Variants in CEP63 observed in about 807,000 individuals in gnomAD.
The protein encoded by CEP63 is centrosomal protein 63.
A neutral mutation model predicts 89.1 loss-of-function variants in CEP63; 84 were observed. That is an observed-to-expected ratio of 0.94 (90% confidence interval 0.79 to 1.13). The LOEUF is 1.13. CEP63 is among the 50% of genes most tolerant of loss of function. The probability of loss-of-function intolerance (pLI) is 0.00; values close to 1 mark genes in which losing one functional copy is unlikely to be tolerated. For synonymous variants in CEP63, 267 were observed against 272.5 expected, an observed-to-expected ratio of 0.98 and a Z score of 0.20; for missense variants, 838 against 813.3, an observed-to-expected ratio of 1.03 and a Z score of -0.37.
Position 134,558,898 on chromosome 3 carries a change from T to C in CEP63, c.1674-252T>C, listed in dbSNP as rs57033722. On this transcript the variant is annotated intron_variant, in intron 13 of 14. Transcript: ENST00000675561. ...TCTCCTGTCCCAGCACTAACCACAC[T>C]AGATTACTCTGGCAGCTTGTTTGTC... 0.29 allele frequency among the ~76,000 whole-genome samples: 44,612 copies of C among 152,070 alleles called. 8,202 individuals are homozygous for C. Among genetic ancestry groups the C allele is most frequent in the East Asian group, 0.61 (3,125 of 5,152 alleles).
At chr3:134,548,952 T>G in intron 9 of CEP63, 110 bp from the exon 10 acceptor site, 1 of 716,218 alleles carries the variant, frequency 1.4e-6, no homozygotes, top group Middle Eastern at 3.6e-4. Flanking sequence ...AGGTGATGTT[T>G]AAGATATTGG....
the CEP63 span, among the ~76,000 whole-genome samples, chr3:134,705,773 T>A: frequency 1.2e-3 from 180 of 152,302 alleles, 1 homozygote; most frequent in African/African-American, 2.6e-3. Context: ...TTTGGTTCGC[T>A]CTCATTGTCC....
chr3:134,749,767 A>C, the CEP63 span, among the ~76,000 whole-genome samples: 1 of 139,208 alleles, frequency 7.2e-6, no homozygotes, highest in African/African-American at 2.5e-5. Context: ...AAGTGGGATG[A>C]TAAAATGAAA....
chr3:134,541,811 C>T (rs1022865600), intron 6 of CEP63, among the ~76,000 whole-genome samples: 1 of 151,998 alleles, frequency 6.6e-6, no homozygotes, highest in African/African-American at 2.4e-5. Context: ...CTGCGCCTGG[C>T]CACCAGCATT....
the CEP63 span, among the ~76,000 whole-genome samples, chr3:134,756,822 A>G: frequency 3.1e-3 from 478 of 152,342 alleles, no homozygotes; most frequent in Non-Finnish European, 5.1e-3. Flanking sequence ...AGGAGACTCC[A>G]GGGATGGGGG....
chr3:134,541,100 A>G (rs1951903170), intron 6 of CEP63, among the ~76,000 whole-genome samples: 2 of 152,106 alleles, frequency 1.3e-5, no homozygotes, highest in Admixed American at 6.5e-5. Flanking sequence ...ATATTTTACT[A>G]TTCTGAAAGA....
chr3:134,695,770 C>T, the CEP63 span, among the ~76,000 whole-genome samples: 1 of 152,212 alleles, frequency 6.6e-6, no homozygotes, highest in Non-Finnish European at 1.5e-5. Context: ...GGAGGTAGGG[C>T]CAAGCAACCG....
chr3:134,581,604 C>T (rs1339650636), intron 10 of CEP63, among the ~76,000 whole-genome samples: 2 of 151,358 alleles, frequency 1.3e-5, no homozygotes, highest in African/African-American at 4.9e-5. Flanking sequence ...AACAAACAAG[C>T]AAACAAAAAT....
At chr3:134,557,376 G>GCTTTTTTTTT (rs1956390930) in intron 12 of CEP63, among the ~76,000 whole-genome samples, 1 of 101,500 alleles carries the variant, frequency 9.9e-6, no homozygotes, top group Non-Finnish European at 1.8e-5. Context: ...TTCATAATTT[G>GCTTTTTTTTT]TTTTTTTTTT....
chr3:134,498,233 C>G (rs562879379), intron 2 of CEP63, among the ~76,000 whole-genome samples: 40 of 151,946 alleles, frequency 2.6e-4, no homozygotes, highest in Non-Finnish European at 4.0e-4. Context: ...CAATTTCCTT[C>G]ATTAGTGTTT....
intron 14 of CEP63, 79 bp from the exon 15 acceptor site, chr3:134,561,298 A>G (rs886485095): frequency 2.9e-6 from 4 of 1,382,548 alleles, no homozygotes; most frequent in Admixed American, 3.4e-5. Context: ...ATTGCTAGTT[A>G]GAAAATGTCA....
At chr3:134,565,886 A>C (rs1024040112), downstream of CEP63, among the ~76,000 whole-genome samples, 2 of 152,106 alleles carry the variant, frequency 1.3e-5, no homozygotes, top group African/African-American at 4.8e-5. Flanking sequence ...CAACATTTTC[A>C]TAACTGGTAA....
chr3:134,723,210 A>T, the CEP63 span, among the ~76,000 whole-genome samples: 2 of 152,100 alleles, frequency 1.3e-5, no homozygotes, highest in South Asian at 4.1e-4. Flanking sequence ...TAGTCTCCTT[A>T]TGAGTGGAGT....
At chr3:134,781,965 C>T in the CEP63 span, among the ~76,000 whole-genome samples, 1 of 152,284 alleles carries the variant, frequency 6.6e-6, no homozygotes, top group South Asian at 2.1e-4. Flanking sequence ...CTTTCTTCTT[C>T]CCCACTTTAA....
chr3:134,486,098 G>C lies in CEP63; in HGVS notation c.-130G>C. ...GCAGGGGAAGTCTGGAGAAGGCATT[G>C]TTTCAATTATTAAAAGTGTGGGGGC... is the stretch of plus-strand genomic sequence containing the variant. On this transcript the variant is annotated 5_prime_UTR_variant, in exon 1 of 15. Coordinates refer to ENST00000675561, the MANE Select transcript of CEP63 (RefSeq NM_001353108.3). The C allele has an allele frequency of 1.0e-6, 1 of 985,456 alleles. No individual in the cohort carries two copies. The highest frequency in any genetic ancestry group is 4.7e-5 in the South Asian group (1 of 21,288). 61.0% of individuals were successfully genotyped at this position (985,456 alleles called of 1,614,324 possible).
Position 134,552,017 on chromosome 3 carries a change from A to C in CEP63, c.1467+5A>C. ...TTGGAATTGGGTTTACATGAGGTACATAAATAGAAACTTAAGTTTTTCTAC... is the reference window on the plus strand; with the variant it reads ...TTGGAATTGGGTTTACATGAGGTACCTAAATAGAAACTTAAGTTTTTCTAC... On this transcript the variant is annotated splice_donor_5th_base_variant and intron_variant, in intron 12 of 14. Transcript: ENST00000675561. 2 of 1,533,824 alleles carry C rather than the reference A, an allele frequency of 1.3e-6. No individual in the cohort carries two copies. Among genetic ancestry groups the C allele is most frequent in the Non-Finnish European group, 1.8e-6 (2 of 1,110,758 alleles).
chr3:134,661,671 AAG>A, the CEP63 span, among the ~76,000 whole-genome samples: 2 of 152,168 alleles, frequency 1.3e-5, no homozygotes, highest in African/African-American at 2.4e-5. Flanking sequence ...ATATTATGAA[AAG>A]AGAGAGAAAG....
At chr3:134,531,746 A>G in intron 3 of CEP63, 99 bp from the exon 4 acceptor site, 2 of 930,320 alleles carry the variant, frequency 2.1e-6, no homozygotes, top group East Asian at 2.6e-5. Flanking sequence ...TGAGAACTTG[A>G]ATTTACAAAT....
At chr3:134,517,058 T>G (rs1405960558) in intron 3 of CEP63, among the ~76,000 whole-genome samples, 1 of 152,182 alleles carries the variant, frequency 6.6e-6, no homozygotes, top group Non-Finnish European at 1.5e-5. Flanking sequence ...TCCATCTGGT[T>G]CCTTAGTGGA....
Sources: allele counts gnomAD v4.1 joint callset (sites outside exome capture counted in the v4.1 genomes callset), GRCh38; gene constraint gnomAD v4.1.1; transcripts MANE v1.5; gene names NCBI Gene and HGNC (gene_info 2026-07-23, HGNC 2026-07-21).